The following TBC1D10C variants were observed in gnomAD, a reference collection of about 807,000 sequenced individuals.
The protein encoded by TBC1D10C is TBC1 domain family member 10C.
A neutral mutation model predicts 51.0 loss-of-function variants in TBC1D10C; 49 were observed. The ratio of observed to expected loss-of-function variants is 0.96; its 90% CI spans 0.76 to 1.22. The LOEUF (loss-of-function observed/expected upper bound fraction) is 1.22. Among genes scored for constraint, TBC1D10C ranks in the 50% most tolerant of loss-of-function variants. The pLI is 0.00. For synonymous variants in TBC1D10C, 281 were observed against 266.7 expected, an observed-to-expected ratio of 1.05 and a Z score of -0.52; for missense variants, 541 against 617.5, an observed-to-expected ratio of 0.88 and a Z score of 1.31.
chr11:67,405,942 G>A lies in TBC1D10C; in HGVS notation c.507G>A (p.Leu169=). 2 of 1,605,418 alleles carry A rather than the reference G, an allele frequency of 1.2e-6. No individual in the cohort carries two copies. The highest frequency in any genetic ancestry group is 8.5e-7 in the Non-Finnish European group (1 of 1,176,742). The change falls in exon 5 of 9, where the codon CTG becomes CTA. Residue 169 remains leucine (L), a synonymous_variant. Coordinates refer to ENST00000542590, the MANE Select transcript of TBC1D10C (RefSeq NM_001369496.1). Reference sequence around the variant, plus strand: ...TGCAGGTGCTCAAGGCCTACACCCTGTATCGACCGGAGCAGGGCTACTGCC... The same window carrying A: ...TGCAGGTGCTCAAGGCCTACACCCTATATCGACCGGAGCAGGGCTACTGCC... ...GLLQVLKAYT[L]YRPEQGYCQA...
rs1863382896 is a variant in TBC1D10C at position 67,409,901 on chromosome 11, C to T, written c.*147C>T. ...AGGCAGTGGGGAAGGAGGAGGTCCT[C>T]CGTGGTACATACTGGGTCAGGCACT... On this transcript the variant is annotated 3_prime_UTR_variant, in exon 9 of 9. Coordinates refer to ENST00000542590, the MANE Select transcript of TBC1D10C (RefSeq NM_001369496.1). 1.4e-6 allele frequency: 1 copy of T among 698,284 alleles called. No homozygotes were observed. Among genetic ancestry groups the T allele is most frequent in the African/African-American group, 1.8e-5 (1 of 55,332 alleles). The allele number at this position is 698,284 out of a possible 1,614,324, so 43.3% of individuals were successfully genotyped here.
chr11:67,406,765 A>C (rs768437249), intron 6 of TBC1D10C, 62 bp from the exon 7 acceptor site: 36 of 1,607,396 alleles, frequency 2.2e-5, no homozygotes, highest in Admixed American at 1.5e-4. Flanking sequence ...CTGGGGACTG[A>C]GGGAGGTTGA....
rs930121654 is a variant in TBC1D10C, at chr11:67,404,444, G to A, written c.152+90G>A. On this transcript the variant is annotated intron_variant, in intron 1 of 8. Coordinates refer to ENST00000542590, the MANE Select transcript of TBC1D10C (RefSeq NM_001369496.1). ...TCTGGAGGGAGGCCGGGAGGGTCTG[G>A]TGGTAGGGATTGGGAGGGGGACTCA... 9.4e-6 allele frequency: 13 copies of A among 1,381,782 alleles called. No individual in the cohort carries two copies. The African/African-American group carries it at 1.9e-4, about 21-fold the overall frequency. 85.6% of individuals were successfully genotyped at this position (1,381,782 alleles called of 1,614,324 possible). A position where few individuals can be genotyped will look rare whatever the true frequency, so the allele number is the denominator to read the frequency against.
At chr11:67,406,137 C>A in intron 5 of TBC1D10C, 120 bp downstream of exon 5, 1 of 845,446 alleles carries the variant, frequency 1.2e-6, no homozygotes, top group Non-Finnish European at 1.8e-6. Flanking sequence ...TCCTAGTGAC[C>A]CAGGTCCTCA....
Position 67,409,792 on chromosome 11 carries a change from C to T in TBC1D10C, c.*38C>T. ...CTTAGTGTCCCCCAGTCTCAATTGC[C>T]TGATGGCTGATGCCGGCCCGGCAAA... On this transcript the variant is annotated 3_prime_UTR_variant, in exon 9 of 9. Transcript: ENST00000542590. 6.7e-7 allele frequency: 1 copy of T among 1,498,104 alleles called. No homozygotes were observed. The highest frequency in any genetic ancestry group is 2.3e-5 in the East Asian group (1 of 44,192). The allele number at this position is 1,498,104 out of a possible 1,614,324, so 92.8% of individuals were successfully genotyped here. A position where few individuals can be genotyped will look rare whatever the true frequency, so the allele number is the denominator to read the frequency against.
In TBC1D10C at chr11:67,406,926, C is replaced by G. The variant is rs1334381395; in HGVS notation, c.748C>G (p.Leu250Val). 6.2e-7 allele frequency: 1 copy of G among 1,612,972 alleles called. No individual in the cohort carries two copies. Among genetic ancestry groups the G allele is most frequent in the South Asian group, 1.1e-5 (1 of 91,074 alleles). Residue 250 changes from leucine to valine, a missense_variant, in exon 7 of 9, where the codon CTG becomes GTG. Physicochemically the swap from Leu to Val is conservative, Grantham distance 32 (BLOSUM62 1). Transcript: ENST00000542590. ...GCAGCAGGTGGGCGTCGGACCCCTGCTGTACCTGCCCGAGTGGTTCCTGTG... is the reference window on the plus strand; with the variant it reads ...GCAGCAGGTGGGCGTCGGACCCCTGGTGTACCTGCCCGAGTGGTTCCTGTG... ...HLQQVGVGPL[L>V]YLPEWFLCLF...
Position 67,404,103 on chromosome 11 carries a change from C to G in TBC1D10C, c.-100C>G, listed in dbSNP as rs1863040208. 1 of 1,366,090 alleles carries G rather than the reference C, an allele frequency of 7.3e-7. No homozygotes were observed. Among genetic ancestry groups the G allele is most frequent in the Admixed American group, 3.2e-5 (1 of 31,260 alleles). The allele number at this position is 1,366,090 out of a possible 1,614,324, so 84.6% of individuals were successfully genotyped here. ...TTGGTGAGATACCCTGAAACCTCCC[C>G]CCTCTGACCCCGCAGCCAGGCCCCA... On this transcript the variant is annotated 5_prime_UTR_variant, in exon 1 of 9. Transcript: ENST00000542590.
In TBC1D10C at chr11:67,409,427, A is replaced by G. The variant is rs11227788; in HGVS notation, c.1014A>G (p.Ser338=). 187,220 of 1,548,770 alleles carry G rather than the reference A, an allele frequency of 0.12. 29,592 individuals carry two copies. The highest frequency in any genetic ancestry group is 0.73 in the African/African-American group (52,978 of 73,062). Residue 338 remains serine (S), a synonymous_variant, in exon 9 of 9, where the codon TCA becomes TCG. Coordinates refer to ENST00000542590, the MANE Select transcript of TBC1D10C (RefSeq NM_001369496.1). ...FMSQVHSVVL[S]ERDLQREIKA... is the part of the protein sequence containing the mutation. ...CACAGGTGCACAGCGTGGTGCTGTC[A>G]GAGCGGGACCTGCAGCGGGAGATCA...
rs1863131455 is a variant in TBC1D10C at position 67,405,727 on chromosome 11, C to T, written c.467+26C>T. 5.6e-6 allele frequency: 9 copies of T among 1,610,108 alleles called. No individual in the cohort carries two copies. In the South Asian group the frequency reaches 9.9e-5, roughly 18 times the overall value. On this transcript the variant is annotated intron_variant, in intron 4 of 8. Coordinates refer to ENST00000542590, the MANE Select transcript of TBC1D10C (RefSeq NM_001369496.1). Reference sequence around the variant, plus strand: ...GTACGAGGCCGGTGATGCCCAGGGACCCCCAGCCCCACAAGCCCCAGGTGC... The same window carrying T: ...GTACGAGGCCGGTGATGCCCAGGGATCCCCAGCCCCACAAGCCCCAGGTGC...
chr11:67,409,180 G>C (rs778459879), intron 8 of TBC1D10C, 47 bp downstream of exon 8: 6 of 1,525,808 alleles, frequency 3.9e-6, no homozygotes, highest in Non-Finnish European at 5.3e-6. Flanking sequence ...CCTGCTGCAC[G>C]GGGGAAACTG....
intron 1 of TBC1D10C, among the ~76,000 whole-genome samples, 185 bp downstream of exon 1, chr11:67,404,539 C>T (rs1011639628): frequency 1.3e-5 from 2 of 152,098 alleles, no homozygotes; most frequent in African/African-American, 2.4e-5. Context: ...GGCCTCTGTA[C>T]GTCTCTTACC....
rs1489686005 is a variant in TBC1D10C at position 67,405,140 on chromosome 11, A to T, written c.208A>T (p.Met70Leu). 6.4e-7 allele frequency: 1 copy of T among 1,551,534 alleles called. No individual in the cohort carries two copies. The highest frequency in any genetic ancestry group is 1.7e-4 in the Middle Eastern group (1 of 5,986). ...IRQREMKWVE[M>L]TSHWEKTMSR... is the part of the protein sequence containing the mutation. ...CCAACGGGAGATGAAGTGGGTGGAG[A>T]TGACCTCGCACTGGGAGAAAACCAT... Residue 70 changes from methionine (M) to leucine (L), a missense_variant, in exon 2 of 9, where the codon ATG (methionine) becomes TTG (leucine). Transcript: ENST00000542590.
Position 67,404,303 on chromosome 11 carries a change from A to G in TBC1D10C, c.101A>G (p.Tyr34Cys), listed in dbSNP as rs1863050752. 1.2e-6 allele frequency: 2 copies of G among 1,600,012 alleles called. No individual in the cohort carries two copies. Among genetic ancestry groups the G allele is most frequent in the South Asian group, 1.1e-5 (1 of 90,662 alleles). ...SDSELSGPGP[Y>C]RQADRYGFIG... ...TCAGAGCTCAGCGGGCCTGGCCCAT[A>G]TCGCCAGGCCGACCGCTATGGATTC... is the stretch of plus-strand genomic sequence containing the variant. The change falls in exon 1 of 9, where the codon TAT (tyrosine) becomes TGT (cysteine). Residue 34 changes from tyrosine (Y) to cysteine (C), a missense_variant. By Grantham distance (194) the Tyr-to-Cys change is radical. Coordinates refer to ENST00000542590, the MANE Select transcript of TBC1D10C (RefSeq NM_001369496.1).
intron 7 of TBC1D10C, chr11:67,407,343 C>T (rs1446181256): frequency 4.8e-5 from 13 of 270,698 alleles, no homozygotes; most frequent in African/African-American, 2.2e-4. Context: ...TGGCTCCAGA[C>T]GTGGATCTGC....
chr11:67,403,942 T>C (rs1005662927), upstream of TBC1D10C: 3 of 380,858 alleles, frequency 7.9e-6, no homozygotes, highest in Non-Finnish European at 1.4e-5. Flanking sequence ...GAGGAGGAGG[T>C]GAGGTGCTGC....
chr11:67,406,497 G>A, intron 5 of TBC1D10C, 130 bp from the exon 6 acceptor site: 1 of 782,958 alleles, frequency 1.3e-6, no homozygotes, highest in South Asian at 1.7e-5. Flanking sequence ...CGCAGGTTAG[G>A]AGTGGCCCTG....
rs1863381743 is a variant in TBC1D10C, at chr11:67,409,877, G to A, written c.*123G>A. The A allele has an allele frequency of 1.2e-6, 1 of 850,932 alleles. No individual in the cohort carries two copies. The highest frequency in any genetic ancestry group is 1.8e-5 in the South Asian group (1 of 55,960). The allele number at this position is 850,932 out of a possible 1,614,324, so 52.7% of individuals were successfully genotyped here. On this transcript the variant is annotated 3_prime_UTR_variant, in exon 9 of 9. Transcript: ENST00000542590. The stretch of plus-strand genomic sequence containing the variant: ...TTGGCTTCCTTCCTGGCAAGGACCA[G>A]GCAGTGGGGAAGGAGGAGGTCCTCC...
intron 5 of TBC1D10C, 145 bp from the exon 6 acceptor site, chr11:67,406,482 A>C: frequency 1.4e-6 from 1 of 703,698 alleles, no homozygotes; most frequent in Non-Finnish European, 2.4e-6. Context: ...GGCTTCCAGG[A>C]ACTGCGCAGG....
intron 1 of TBC1D10C, 109 bp from the exon 2 acceptor site, chr11:67,404,976 A>C (rs1006253200): frequency 4.0e-6 from 4 of 988,708 alleles, no homozygotes; most frequent in Non-Finnish European, 5.9e-6. Context: ...GGGCTCCCAG[A>C]GATCCCTAGG....
Sources: allele counts gnomAD v4.1 joint callset (sites outside exome capture counted in the v4.1 genomes callset), GRCh38; gene constraint gnomAD v4.1.1; transcripts MANE v1.5; gene names NCBI Gene and HGNC (gene_info 2026-07-23, HGNC 2026-07-21).